Variants in PHKB observed in about 807,000 individuals in gnomAD.
PHKB encodes the protein phosphorylase b kinase regulatory subunit beta.
PHKB carries 122 observed loss-of-function variants against 152.1 expected under a neutral mutation model. The ratio of observed to expected loss-of-function variants is 0.80; its 90% CI spans 0.69 to 0.93. PHKB has a LOEUF of 0.93. Ranked by LOEUF, PHKB falls within the 40% of genes least tolerant of loss-of-function variation. The pLI is 0.00. For missense variants in PHKB, 1,304 were observed against 1,328.4 expected (o/e 0.98, Z 0.29); for synonymous variants, 436 against 464.9 (o/e 0.94, Z 0.80).
At chr16:47,602,787 TA>T (rs760758013) in intron 13 of PHKB, among the ~76,000 whole-genome samples, 5 of 152,174 alleles carry the variant, frequency 3.3e-5, no homozygotes, top group Admixed American at 6.5e-5. Flanking sequence ...AATACATGTT[TA>T]AATGGTTCTT....
At chr16:47,594,804 A>G (rs1972090028) in intron 12 of PHKB, among the ~76,000 whole-genome samples, 1 of 152,206 alleles carries the variant, frequency 6.6e-6, no homozygotes, top group Non-Finnish European at 1.5e-5. Flanking sequence ...AATTTTCTGT[A>G]TAACTGGAAA....
chr16:47,638,088 G>T (rs1972953502), intron 14 of PHKB, among the ~76,000 whole-genome samples: 1 of 152,018 alleles, frequency 6.6e-6, no homozygotes, highest in Non-Finnish European at 1.5e-5. Context: ...TCACCTTGGG[G>T]GCTAAAATTT....
At chr16:47,539,425 A>G (rs1971011331) in intron 6 of PHKB, among the ~76,000 whole-genome samples, 3 of 152,124 alleles carry the variant, frequency 2.0e-5, no homozygotes, top group Admixed American at 1.3e-4. Flanking sequence ...ATTTCAGATT[A>G]CACATATTAT....
At chr16:47,566,636 C>T (rs1597090897) in intron 7 of PHKB, 2 of 1,115,940 alleles carry the variant, frequency 1.8e-6, no homozygotes, top group East Asian at 2.4e-5. Context: ...GAAGATGGCT[C>T]CAGTCGATAT....
intron 28 of PHKB, among the ~76,000 whole-genome samples, 197 bp from the exon 29 acceptor site, chr16:47,696,184 A>T (rs1173911227): frequency 6.6e-6 from 1 of 152,196 alleles, no homozygotes; most frequent in Admixed American, 6.5e-5. Flanking sequence ...TAAAAATGGG[A>T]GGTTTAATTT....
chr16:47,554,403 GC>G (rs1277195553), intron 7 of PHKB, among the ~76,000 whole-genome samples: 1 of 149,522 alleles, frequency 6.7e-6, no homozygotes, highest in Non-Finnish European at 1.5e-5. Flanking sequence ...ACTTCAGACT[GC>G]TGTGCTGGCA....
At chr16:47,482,795 A>C (rs1969984391) in intron 1 of PHKB, among the ~76,000 whole-genome samples, 1 of 151,974 alleles carries the variant, frequency 6.6e-6, no homozygotes, top group African/African-American at 2.4e-5. Flanking sequence ...ATCTCCGCTC[A>C]CTGCAACCTC....
chr16:47,684,740 G>A (rs1361251363), intron 26 of PHKB, among the ~76,000 whole-genome samples: 1 of 151,376 alleles, frequency 6.6e-6, no homozygotes, highest in Non-Finnish European at 1.5e-5. Context: ...ACACTCCAGC[G>A]CTCCAGCCTG....
chr16:47,535,781 G>T (rs562055140), intron 6 of PHKB, among the ~76,000 whole-genome samples: 1 of 152,070 alleles, frequency 6.6e-6, no homozygotes, highest in Non-Finnish European at 1.5e-5. Flanking sequence ...TCAGATATTT[G>T]CATTATTGTC....
chr16:47,461,492 T>C, intron 1 of PHKB, 66 bp downstream of exon 1: 1 of 1,536,392 alleles, frequency 6.5e-7, no homozygotes, highest in Non-Finnish European at 9.0e-7. Flanking sequence ...TCAAGCGCCT[T>C]GGCGGGAGGC....
chr16:47,634,107 A>G (rs1972874832), intron 14 of PHKB, among the ~76,000 whole-genome samples: 1 of 152,198 alleles, frequency 6.6e-6, no homozygotes, highest in African/African-American at 2.4e-5. Flanking sequence ...AAATGCTTAT[A>G]TATTATGTAT....
chr16:47,639,079 A>T (rs1972971392), intron 14 of PHKB, among the ~76,000 whole-genome samples: 2 of 152,134 alleles, frequency 1.3e-5, no homozygotes, highest in Non-Finnish European at 2.9e-5. Flanking sequence ...GTTCAAGACC[A>T]GTCTTGGCAA....
intron 6 of PHKB, among the ~76,000 whole-genome samples, chr16:47,524,920 G>T (rs1429694391): frequency 6.6e-6 from 1 of 151,838 alleles, no homozygotes; most frequent in Non-Finnish European, 1.5e-5. Flanking sequence ...ACTCACTTAC[G>T]ATTTTTAAAA....
At chr16:47,549,113 G>T (rs1193949700) in intron 7 of PHKB, among the ~76,000 whole-genome samples, 1 of 152,084 alleles carries the variant, frequency 6.6e-6, no homozygotes, top group Non-Finnish European at 1.5e-5. Flanking sequence ...ATAATTTGTG[G>T]TAAAGCTCAT....
Position 47,552,225 on chromosome 16 carries a change from T to G in PHKB, c.710+4677T>G, listed in dbSNP as rs571317561. Among the ~76,000 whole-genome samples, 4 of 152,358 alleles carry G rather than the reference T, an allele frequency of 2.6e-5. No homozygotes were observed. In the South Asian group the frequency reaches 8.3e-4, roughly 32 times the overall value. On this transcript the variant is annotated intron_variant, in intron 7 of 30. Coordinates refer to ENST00000323584, the MANE Select transcript of PHKB (RefSeq NM_000293.3). ...TTAGCCCATTTACATTTAAGGTTAATATTGGTATTTCAGAATTGGATCCTG... is the reference window on the plus strand; with the variant it reads ...TTAGCCCATTTACATTTAAGGTTAAGATTGGTATTTCAGAATTGGATCCTG...
At chr16:47,621,831 A>C (rs1317530318) in intron 14 of PHKB, among the ~76,000 whole-genome samples, 3 of 152,180 alleles carry the variant, frequency 2.0e-5, no homozygotes, top group Admixed American at 2.0e-4. Flanking sequence ...GGTAATGAAG[A>C]GTCTCTTATC....
In PHKB at chr16:47,650,655, G is replaced by C. The variant is rs1281231284; in HGVS notation, c.1880+29G>C. 3.5e-6 allele frequency: 5 copies of C among 1,448,678 alleles called. No homozygotes were observed. The South Asian group carries it at 5.7e-5, about 17-fold the overall frequency. The allele number at this position is 1,448,678 out of a possible 1,614,324, so 89.7% of individuals were successfully genotyped here. A position where few individuals can be genotyped will look rare whatever the true frequency, so the allele number is the denominator to read the frequency against. ...GGTTGATAAAAGAAGTAAGGTACGTGTGTCTCACTGACATGAACACAGTGA... is the reference window on the plus strand; with the variant it reads ...GGTTGATAAAAGAAGTAAGGTACGTCTGTCTCACTGACATGAACACAGTGA... On this transcript the variant is annotated intron_variant, in intron 19 of 30. Coordinates refer to ENST00000323584, the MANE Select transcript of PHKB (RefSeq NM_000293.3).
At position 47,636,750 on chromosome 16, in the gene PHKB, C is replaced by G. The variant is rs372265261; in HGVS notation, c.1459-4285C>G. Reference sequence around the variant, plus strand: ...GCTTGTTGTGGGCCTGCAGGTATCCCTTGGCACAAACAGCCTGGGCACCAT... The same window carrying G: ...GCTTGTTGTGGGCCTGCAGGTATCCGTTGGCACAAACAGCCTGGGCACCAT... On this transcript the variant is annotated intron_variant, in intron 14 of 30. Coordinates refer to ENST00000323584, the MANE Select transcript of PHKB (RefSeq NM_000293.3). Among the ~76,000 whole-genome samples the G allele has an allele frequency of 5.9e-5, 9 of 152,290 alleles. No individual in the cohort carries two copies. In the East Asian group the frequency reaches 1.5e-3, roughly 26 times the overall value.
At chr16:47,552,738 A>T (rs766307212) in intron 7 of PHKB, among the ~76,000 whole-genome samples, 2 of 151,684 alleles carry the variant, frequency 1.3e-5, no homozygotes, top group Non-Finnish European at 2.9e-5. Flanking sequence ...AACCCATTGA[A>T]ATCAAGAGGC....
Sources: gnomAD v4.1 joint callset for allele counts (sites outside exome capture counted in the v4.1 genomes callset) on GRCh38, gnomAD v4.1.1 for gene constraint, MANE v1.5 for transcripts, NCBI Gene and HGNC (gene_info 2026-07-23, HGNC 2026-07-21) for gene names.